Variants in NRXN1 observed in about 807,000 individuals in gnomAD.
NRXN1 encodes the protein neurexin 1.
NRXN1 carries 39 observed loss-of-function variants against 150.9 expected under a neutral mutation model. The observed-to-expected ratio is 0.26, with a 90% CI of 0.20 to 0.34. The LOEUF is 0.34. Among genes scored for constraint, NRXN1 ranks in the 10% least tolerant of loss-of-function variants. NRXN1 has a pLI of 1.00. For missense variants in NRXN1, 1,815 were observed against 1,949.9 expected, an observed-to-expected ratio of 0.93 and a Z score of 1.30; for synonymous variants, 924 against 757.0, an observed-to-expected ratio of 1.22 and a Z score of -3.62.
intron 17 of NRXN1, among the ~76,000 whole-genome samples, chr2:50,327,886 G>C (rs772957730): frequency 6.6e-6 from 1 of 152,142 alleles, no homozygotes; most frequent in Admixed American, 6.5e-5. Flanking sequence ...CTGACCTCAA[G>C]TAATCTCCCG....
intron 18 of NRXN1, among the ~76,000 whole-genome samples, chr2:50,217,860 T>C (rs929149281): frequency 6.6e-6 from 1 of 152,108 alleles, no homozygotes; most frequent in Non-Finnish European, 1.5e-5. Context: ...AAAAACTAGA[T>C]AAGATATTTC....
chr2:50,606,833 G>A (rs1677210836), intron 8 of NRXN1, among the ~76,000 whole-genome samples: 1 of 152,066 alleles, frequency 6.6e-6, no homozygotes, highest in East Asian at 1.9e-4. Context: ...AAAACTACTA[G>A]GAATGCAAAA....
At chr2:50,993,726 T>A (rs568190335) in intron 2 of NRXN1, among the ~76,000 whole-genome samples, 2 of 152,100 alleles carry the variant, frequency 1.3e-5, no homozygotes, top group African/African-American at 4.8e-5. Flanking sequence ...TAGCAGGCCA[T>A]GTTGCTATCC....
chr2:50,519,891 T>C (rs2092738219), intron 12 of NRXN1, among the ~76,000 whole-genome samples: 1 of 151,934 alleles, frequency 6.6e-6, no homozygotes, highest in African/African-American at 2.4e-5. Context: ...GACCTGGAAT[T>C]GCTTTATATA....
chr2:50,294,164 G>T (rs1012439679), intron 17 of NRXN1, among the ~76,000 whole-genome samples: 2 of 152,112 alleles, frequency 1.3e-5, no homozygotes, highest in African/African-American at 4.8e-5. Context: ...GCTTCTACTG[G>T]ATGTGTCAAT....
chr2:50,174,060 T>G (rs926886509), intron 18 of NRXN1, among the ~76,000 whole-genome samples: 4 of 152,134 alleles, frequency 2.6e-5, no homozygotes, highest in African/African-American at 9.7e-5. Flanking sequence ...TTGATTTATA[T>G]CAAAATAAAT....
At chr2:50,470,532 A>G (rs1441375866) in intron 16 of NRXN1, among the ~76,000 whole-genome samples, 1 of 151,902 alleles carries the variant, frequency 6.6e-6, no homozygotes, top group Non-Finnish European at 1.5e-5. Context: ...GTATTTTCAA[A>G]TATAAAATTT....
chr2:50,758,950 T>C (rs1031727067), intron 5 of NRXN1, among the ~76,000 whole-genome samples: 1 of 151,904 alleles, frequency 6.6e-6, no homozygotes. Context: ...ATAAAATGAC[T>C]GTGGCCCAAG....
At chr2:50,931,449 A>T (rs1445980236) in intron 2 of NRXN1, among the ~76,000 whole-genome samples, 1 of 152,132 alleles carries the variant, frequency 6.6e-6, no homozygotes, top group Non-Finnish European at 1.5e-5. Flanking sequence ...CATGCAGTGT[A>T]CAGAAAATAA....
rs183536756 is a variant in NRXN1, at chr2:50,266,301, G to A, written c.3365-29331C>T. ...GGTGTGAGCCACCACTCCTGGCTGA[G>A]GATCAATTTTGAGATCACTTGACTC... is the stretch of plus-strand genomic sequence containing the variant. On this transcript the variant is annotated intron_variant, in intron 17 of 22. Transcript: ENST00000401669. 3.4e-3 allele frequency among the ~76,000 whole-genome samples: 510 copies of A among 149,604 alleles called. 1 individual carries two copies. Among genetic ancestry groups the A allele is most frequent in the Non-Finnish European group, 5.3e-3 (355 of 67,482 alleles).
intron 18 of NRXN1, among the ~76,000 whole-genome samples, chr2:50,178,386 G>A (rs774337632): frequency 6.6e-6 from 1 of 151,864 alleles, no homozygotes; most frequent in African/African-American, 2.4e-5. Flanking sequence ...GCTGTTAAGA[G>A]GACAGTCCAT....
intron 17 of NRXN1, among the ~76,000 whole-genome samples, chr2:50,272,392 C>T (rs1175208108): frequency 1.3e-5 from 2 of 152,136 alleles, no homozygotes; most frequent in African/African-American, 4.8e-5. Context: ...TTTACCACTA[C>T]TATATTAGCA....
chr2:50,199,356 T>C (rs1267689194), intron 18 of NRXN1: 2 of 152,122 alleles, frequency 1.3e-5, no homozygotes, highest in South Asian at 4.1e-4. Flanking sequence ...TGCTTCTGTT[T>C]AGTTAACTCC....
At chr2:50,020,194 A>G (rs1415938250) in intron 21 of NRXN1, among the ~76,000 whole-genome samples, 2 of 152,148 alleles carry the variant, frequency 1.3e-5, no homozygotes, top group Non-Finnish European at 2.9e-5. Flanking sequence ...CAGCAGAAGA[A>G]CAATGGGTAA....
At chr2:50,752,026 C>T (rs1700651723) in intron 5 of NRXN1, among the ~76,000 whole-genome samples, 1 of 151,968 alleles carries the variant, frequency 6.6e-6, no homozygotes, top group Admixed American at 6.6e-5. Context: ...CTAAAACAGT[C>T]ACTTTGAACA....
intron 16 of NRXN1, 146 bp from the exon 17 acceptor site, chr2:50,465,707 T>C (rs897983122): frequency 8.1e-6 from 6 of 739,812 alleles, no homozygotes; most frequent in Non-Finnish European, 1.0e-5. Flanking sequence ...ACACCTGAAT[T>C]AGGAACTGAG....
At chr2:50,656,315 A>G in intron 5 of NRXN1, 1 of 746,540 alleles carries the variant, frequency 1.3e-6, no homozygotes, top group Non-Finnish European at 2.5e-6. Flanking sequence ...TATCAATTTT[A>G]AAAGTAACAC....
At chr2:50,477,586 G>A (rs553292806) in intron 15 of NRXN1, among the ~76,000 whole-genome samples, 4 of 152,206 alleles carry the variant, frequency 2.6e-5, no homozygotes, top group Non-Finnish European at 5.9e-5. Context: ...GAATGCAAGT[G>A]TCAAGGTATA....
chr2:50,270,627 C>T (rs576834071), intron 17 of NRXN1, among the ~76,000 whole-genome samples: 2 of 151,462 alleles, frequency 1.3e-5, no homozygotes, highest in Admixed American at 6.6e-5. Context: ...GAAAGTATAA[C>T]GTACAAGCAA....
Sources: gnomAD v4.1 joint callset for allele counts (sites outside exome capture counted in the v4.1 genomes callset) on GRCh38, gnomAD v4.1.1 for gene constraint, MANE v1.5 for transcripts, NCBI Gene and HGNC (gene_info 2026-07-23, HGNC 2026-07-21) for gene names.